GSDME: variants seen among roughly 807,000 people sequenced by gnomAD.
GSDME encodes gasdermin E.
A neutral mutation model predicts 47.5 loss-of-function variants in GSDME; 44 were observed. The observed-to-expected ratio is 0.93, with a 90% CI of 0.73 to 1.19. GSDME has a LOEUF of 1.19. GSDME is among the 50% of genes most tolerant of loss of function. GSDME has a pLI of 0.00. For missense variants in GSDME, 663 were observed against 604.2 expected (o/e 1.10, Z -1.02); for synonymous variants, 258 against 252.8 (o/e 1.02, Z -0.20).
chr7:24,710,516 C>CA (rs2128050050), intron 5 of GSDME, 128 bp from the exon 6 acceptor site: 2 of 854,676 alleles, frequency 2.3e-6, no homozygotes, highest in South Asian at 2.9e-5. Flanking sequence ...AAGACCCATC[C>CA]ATCTTCCCCA....
the GSDME span, among the ~76,000 whole-genome samples, chr7:24,789,942 G>A: frequency 1.3e-5 from 2 of 152,300 alleles, no homozygotes; most frequent in South Asian, 2.1e-4. Flanking sequence ...TAGTAAGCAG[G>A]TTCCTATTAC....
At chr7:24,709,124 C>G (rs1789244710) in intron 6 of GSDME, among the ~76,000 whole-genome samples, 1 of 152,210 alleles carries the variant, frequency 6.6e-6, no homozygotes, top group Admixed American at 6.5e-5. Context: ...TTTCAAAACT[C>G]TGCTATACAC....
chr7:24,759,737 C>G (rs535980462), upstream of GSDME, among the ~76,000 whole-genome samples: 23 of 152,298 alleles, frequency 1.5e-4, no homozygotes, highest in African/African-American at 4.1e-4. Context: ...GGGGTCCCCC[C>G]ACCCAAGCAG....
rs1325380649 is a variant in GSDME, at chr7:24,708,233, TTCCTC to T, written c.879_883del (p.Arg294PhefsTer9). 6.2e-7 allele frequency: 1 copy of T among 1,614,154 alleles called. No individual in the cohort carries two copies. Among genetic ancestry groups the T allele is most frequent in the South Asian group, 1.1e-5 (1 of 91,068 alleles). On this transcript the variant is annotated frameshift_variant, in exon 7 of 10. Coordinates refer to ENST00000645220, the MANE Select transcript of GSDME (RefSeq NM_001127453.2). LOFTEE classifies it high-confidence loss of function. ...AGGCAGCTCCGCAAATGGATGGAAA[TTCCTC>T]TCCAGGAGCAGGGTCGCTGTGAAAA...
chr7:24,762,209 G>T (rs768715217), upstream of GSDME, among the ~76,000 whole-genome samples: 1 of 145,774 alleles, frequency 6.9e-6, no homozygotes, highest in African/African-American at 2.6e-5. Context: ...AGCTGTGATC[G>T]TGCCACTGTA....
chr7:24,710,882 A>T (rs1789327541), intron 5 of GSDME, among the ~76,000 whole-genome samples: 1 of 152,222 alleles, frequency 6.6e-6, no homozygotes, highest in South Asian at 2.1e-4. Flanking sequence ...TAAAATACTG[A>T]TGTCTGCAGT....
the GSDME span, among the ~76,000 whole-genome samples, chr7:24,783,539 A>G: frequency 1.3e-5 from 2 of 152,228 alleles, no homozygotes; most frequent in Admixed American, 6.5e-5. Context: ...TTGTGACTGC[A>G]GTATTATACA....
At chr7:24,773,043 A>G in the GSDME span, among the ~76,000 whole-genome samples, 33 of 152,352 alleles carry the variant, frequency 2.2e-4, no homozygotes, top group African/African-American at 7.7e-4. This position sits in a 1 kb window ranked among gnomAD's most constrained non-coding sequence, Gnocchi z 5.4. Flanking sequence ...ACAGAATACC[A>G]TGCTCTTAAC....
At position 24,714,994 on chromosome 7, in the gene GSDME, T is replaced by C. The variant is rs1013789405; in HGVS notation, c.697+2260A>G. 6.6e-6 allele frequency among the ~76,000 whole-genome samples: 1 copy of C among 152,112 alleles called. No homozygotes were observed. The highest frequency in any genetic ancestry group is 1.5e-5 in the Non-Finnish European group (1 of 68,018). On this transcript the variant is annotated intron_variant, in intron 5 of 9. Transcript: ENST00000645220. This position sits in a 1 kb window ranked among gnomAD's most constrained non-coding sequence, Gnocchi z 5.0. ...TTGATGGACAAATAGATAAAGAAAA[T>C]TGATGTATTTACACAATGGAATACT...
rs1309246520 is a variant in GSDME at position 24,705,291 on chromosome 7, C to G, written c.1183+893G>C. 6.6e-6 allele frequency: 1 copy of G among 151,600 alleles called. No individual in the cohort carries two copies. Among genetic ancestry groups the G allele is most frequent in the Non-Finnish European group, 1.5e-5 (1 of 68,042 alleles). 9.4% of individuals were successfully genotyped at this position (151,600 alleles called of 1,614,324 possible). A position where few individuals can be genotyped will look rare whatever the true frequency, so the allele number is the denominator to read the frequency against. On this transcript the variant is annotated intron_variant, in intron 8 of 9. Transcript: ENST00000645220. This position sits in a 1 kb window ranked among gnomAD's most constrained non-coding sequence, Gnocchi z 4.1. ...TTATGTCCTGTTTCAGTTTACCAGTCAAAACTATATTTATCCATGAGTTGG... is the reference window on the plus strand; with the variant it reads ...TTATGTCCTGTTTCAGTTTACCAGTGAAAACTATATTTATCCATGAGTTGG...
chr7:24,737,082 A>G (rs1009530735), intron 3 of GSDME, among the ~76,000 whole-genome samples: 1 of 152,100 alleles, frequency 6.6e-6, no homozygotes, highest in African/African-American at 2.4e-5. Context: ...CAATCTAACA[A>G]TGCATCTTAA....
intron 2 of GSDME, among the ~76,000 whole-genome samples, chr7:24,749,020 G>A (rs1024737917): frequency 3.9e-5 from 6 of 152,146 alleles, no homozygotes; most frequent in Admixed American, 3.9e-4. Flanking sequence ...GCCACAACAT[G>A]TACAGTAAGC....
At chr7:24,718,533 AG>A (rs1341137297) in intron 4 of GSDME, among the ~76,000 whole-genome samples, 1 of 152,220 alleles carries the variant, frequency 6.6e-6, no homozygotes, top group Non-Finnish European at 1.5e-5. Flanking sequence ...GAGAGGCTCT[AG>A]GGATTCTTTT....
In GSDME at chr7:24,756,701, C is replaced by T. The variant is rs1417025631; in HGVS notation, c.-20+695G>A. On this transcript the variant is annotated intron_variant, in intron 1 of 9. Transcript: ENST00000645220. This position sits in a 1 kb window ranked among gnomAD's most constrained non-coding sequence, Gnocchi z 4.2. ...CAACCAGCGCTTTTCTAAGAGGTGCCCTCTAGTCTTTCCCCTCGGGGTGCA... is the reference window on the plus strand; with the variant it reads ...CAACCAGCGCTTTTCTAAGAGGTGCTCTCTAGTCTTTCCCCTCGGGGTGCA... 2.0e-5 allele frequency among the ~76,000 whole-genome samples: 3 copies of T among 152,244 alleles called. No individual in the cohort carries two copies. The highest frequency in any genetic ancestry group is 7.2e-5 in the African/African-American group (3 of 41,544).
chr7:24,699,113 A>G lies in GSDME; in HGVS notation c.1404T>C (p.Ala468=). 1 of 1,614,164 alleles carries G rather than the reference A, an allele frequency of 6.2e-7. No homozygotes were observed. The highest frequency in any genetic ancestry group is 2.2e-5 in the East Asian group (1 of 44,878). ...SLERLKSSVK[A]VILKDSKVFP... Reference sequence around the variant, plus strand: ...AGACTTTAGAGTCCTTCAGAATGACAGCTTTCACAGATGACTTCAGTCTCT... The same window carrying G: ...AGACTTTAGAGTCCTTCAGAATGACGGCTTTCACAGATGACTTCAGTCTCT... The change falls in exon 10 of 10, where the codon GCT becomes GCC. Residue 468 remains alanine, a synonymous_variant. Transcript: ENST00000645220.
rs376542590 is a variant in GSDME at position 24,711,919 on chromosome 7, G to A, written c.698-1531C>T. On this transcript the variant is annotated intron_variant, in intron 5 of 9. Transcript: ENST00000645220. ...TGTAGATAAAAATGTAAGTTATTAC[G>A]TCCTTGCTAAGCAGAAACAGTAAAT... is the stretch of plus-strand genomic sequence containing the variant. 2.4e-3 allele frequency among the ~76,000 whole-genome samples: 359 copies of A among 151,216 alleles called. 2 individuals carry two copies. Among genetic ancestry groups the A allele is most frequent in the African/African-American group, 8.2e-3 (336 of 41,196 alleles).
rs755856074 is a variant in GSDME at position 24,702,810 on chromosome 7, G to C, written c.1207C>G (p.Leu403Val). ...LAEMPDSAAA[L>V]LGTCCKLQII... ...TGGAGTTTGCAGCAAGTGCCCAGCA[G>C]AGCTGCTGCGCTATCTGGCATTTCT... Residue 403 changes from leucine to valine, a missense_variant, in exon 9 of 10, where the codon CTG becomes GTG. Leu to Val is a conservative substitution (Grantham distance 32). Transcript: ENST00000645220. 2 of 1,613,554 alleles carry C rather than the reference G, an allele frequency of 1.2e-6. No homozygotes were observed. Among genetic ancestry groups the C allele is most frequent in the Non-Finnish European group, 1.7e-6 (2 of 1,179,670 alleles).
intron 8 of GSDME, 96 bp from the exon 9 acceptor site, chr7:24,702,929 T>G: frequency 5.7e-6 from 6 of 1,045,440 alleles, no homozygotes; most frequent in Admixed American, 1.9e-5. Context: ...TTTTAGTACT[T>G]TCCCGCCAGC....
intron 7 of GSDME, chr7:24,707,543 A>G (rs1265938336): frequency 5.0e-6 from 2 of 400,062 alleles, no homozygotes; most frequent in Non-Finnish European, 1.0e-5. Flanking sequence ...GCCCACCAAC[A>G]TATGTTACCT....
Sources: allele counts gnomAD v4.1 joint callset (sites outside exome capture counted in the v4.1 genomes callset), GRCh38; gene constraint gnomAD v4.1.1; non-coding constraint Gnocchi (gnomAD v3.1); transcripts MANE v1.5; gene names NCBI Gene and HGNC (gene_info 2026-07-23, HGNC 2026-07-21).